The following VPS45 variants were observed in gnomAD, a reference collection of about 807,000 sequenced individuals.
VPS45 encodes the protein vacuolar protein sorting 45 homolog, also known as vacuolar protein sorting-associated protein 45.
A neutral mutation model predicts 75.9 loss-of-function variants in VPS45; 35 were observed. That is an observed-to-expected ratio of 0.46 (90% CI 0.35 to 0.61). VPS45 has a LOEUF of 0.61. Ranked by LOEUF, VPS45 falls within the 20% of genes least tolerant of loss-of-function variation. The pLI, the probability that VPS45 is intolerant of heterozygous loss-of-function variation, is 0.00. For missense variants in VPS45, 559 were observed against 685.9 expected, an observed-to-expected ratio of 0.81 and a Z score of 2.07; for synonymous variants, 220 against 238.2, an observed-to-expected ratio of 0.92 and a Z score of 0.70.
Position 150,123,905 on chromosome 1 carries a change from C to T in VPS45, c.1625+13278C>T, listed in dbSNP as rs947228417. 2.6e-5 allele frequency among the ~76,000 whole-genome samples: 4 copies of T among 152,132 alleles called. No individual in the cohort carries two copies. The South Asian group carries it at 6.2e-4, about 24-fold the overall frequency. On this transcript the variant is annotated intron_variant, in intron 14 of 14. Coordinates refer to ENST00000644510, the MANE Select transcript of VPS45 (RefSeq NM_007259.5). ...TTAAAACTTTTGACAAATAGAAAGA[C>T]ATATCCTGCTAGAAGATGGCATGAG...
At chr1:150,086,589 T>C (rs974878419) in intron 10 of VPS45, among the ~76,000 whole-genome samples, 14 of 152,254 alleles carry the variant, frequency 9.2e-5, no homozygotes, top group South Asian at 6.2e-4. Context: ...ATTAATTAAA[T>C]GTAAAAATGA....
intron 3 of VPS45, among the ~76,000 whole-genome samples, chr1:150,072,523 G>A (rs1477259006): frequency 2.6e-5 from 4 of 152,210 alleles, no homozygotes; most frequent in African/African-American, 9.6e-5. Context: ...TGGGCATGGT[G>A]GCACATGCCT....
At chr1:150,075,211 T>C (rs1184902921) in intron 3 of VPS45, among the ~76,000 whole-genome samples, 1 of 150,920 alleles carries the variant, frequency 6.6e-6, no homozygotes, top group African/African-American at 2.4e-5. Context: ...TGTTGGTTGA[T>C]ATGTTAAGTT....
chr1:150,102,866 G>A (rs1370121024), intron 13 of VPS45, among the ~76,000 whole-genome samples: 1 of 152,156 alleles, frequency 6.6e-6, no homozygotes, highest in Non-Finnish European at 1.5e-5. Flanking sequence ...GGGTCTACTT[G>A]AGCAGGAAGG....
intron 13 of VPS45, among the ~76,000 whole-genome samples, chr1:150,103,902 A>G (rs781979725): frequency 2.0e-5 from 3 of 152,330 alleles, no homozygotes; most frequent in South Asian, 2.1e-4. Flanking sequence ...TACCCCTGCA[A>G]AGGAAAGATT....
At chr1:150,106,581 C>G (rs1213809130) in intron 13 of VPS45, among the ~76,000 whole-genome samples, 1 of 152,186 alleles carries the variant, frequency 6.6e-6, no homozygotes, top group Non-Finnish European at 1.5e-5. Context: ...TTCCTACCGG[C>G]TCTTCTGAAG....
rs145193116 is a variant in VPS45 at position 150,110,558 on chromosome 1, A to G, written c.1556A>G (p.Tyr519Cys). 1.6e-4 allele frequency: 257 copies of G among 1,613,868 alleles called. 1 individual carries two copies. Among genetic ancestry groups the G allele is most frequent in the Admixed American group, 6.7e-5 (4 of 59,976 alleles). Reference protein sequence around the residue: ...GATYEEALTVYNLNRTTPGVR... With the variant: ...GATYEEALTVCNLNRTTPGVR... ...ACCTATGAAGAGGCTCTAACAGTTT[A>G]TAACCTGAACCGCACCACTCCTGGA... is the stretch of plus-strand genomic sequence containing the variant. The change falls in exon 14 of 15, where the codon TAT becomes TGT. Residue 519 changes from tyrosine to cysteine, a missense_variant. Tyr to Cys is a radical substitution (Grantham distance 194). Transcript: ENST00000644510.
intron 14 of VPS45, among the ~76,000 whole-genome samples, chr1:150,130,834 C>T (rs587693934): frequency 6.6e-6 from 1 of 152,250 alleles, no homozygotes; most frequent in African/African-American, 2.4e-5. Flanking sequence ...TGAATATATA[C>T]TATGTGCCAG....
intron 14 of VPS45, among the ~76,000 whole-genome samples, chr1:150,123,830 G>A (rs970757153): frequency 1.1e-4 from 17 of 152,146 alleles, no homozygotes; most frequent in Admixed American, 2.0e-4. Flanking sequence ...AGCCAATAGC[G>A]CTGCCATTGC....
chr1:150,076,665 C>A (rs1409552036), intron 4 of VPS45: 1 of 551,404 alleles, frequency 1.8e-6, no homozygotes. Flanking sequence ...GCATAGAGGT[C>A]TCCAGAAATA....
chr1:150,107,031 TC>T (rs1256241154), intron 13 of VPS45, among the ~76,000 whole-genome samples: 1 of 152,208 alleles, frequency 6.6e-6, no homozygotes, highest in African/African-American at 2.4e-5. Flanking sequence ...CTTCTGATTC[TC>T]CTCCTACCTT....
intron 14 of VPS45, among the ~76,000 whole-genome samples, chr1:150,128,302 T>TA (rs56026495): frequency 0.75 from 108,520 of 145,352 alleles, 42,530 homozygotes; most frequent in East Asian, 1. Context: ...ACCCTTGTCT[T>TA]AAAAAAAAAA....
At chr1:150,069,932 G>A (rs1553796687) in intron 2 of VPS45, among the ~76,000 whole-genome samples, 1 of 152,108 alleles carries the variant, frequency 6.6e-6, no homozygotes, top group Non-Finnish European at 1.5e-5. Context: ...CCTTCAAGGT[G>A]CAGCATGGTC....
At chr1:150,080,150 T>TC (rs1251123913) in intron 7 of VPS45, among the ~76,000 whole-genome samples, 11 of 118 alleles carry the variant, frequency 0.093, no homozygotes, top group East Asian at 0.5. Context: ...TTGTTGTACG[T>TC]TTTTTTTTTT....
intron 10 of VPS45, among the ~76,000 whole-genome samples, chr1:150,089,226 TAC>T (rs1168710583): frequency 2.0e-5 from 3 of 152,074 alleles, no homozygotes; most frequent in Non-Finnish European, 4.4e-5. Flanking sequence ...TGCTTAAAAG[TAC>T]AGAGACAGAT....
intron 10 of VPS45, among the ~76,000 whole-genome samples, chr1:150,083,516 A>T (rs1655839481): frequency 6.6e-6 from 1 of 151,960 alleles, no homozygotes; most frequent in Admixed American, 6.6e-5. Context: ...GAATATGGAA[A>T]TACAGAGGAA....
intron 13 of VPS45, among the ~76,000 whole-genome samples, chr1:150,098,385 C>G (rs1656790580): frequency 6.6e-6 from 1 of 152,148 alleles, no homozygotes; most frequent in Non-Finnish European, 1.5e-5. Flanking sequence ...GGCATCTCTT[C>G]TAGTTGATAT....
At chr1:150,097,485 C>T (rs1383159705) in intron 13 of VPS45, among the ~76,000 whole-genome samples, 9 of 151,246 alleles carry the variant, frequency 6.0e-5, no homozygotes, top group Admixed American at 1.3e-4. Context: ...TTTGGGAGGC[C>T]GAGCGGGCAG....
intron 14 of VPS45, among the ~76,000 whole-genome samples, chr1:150,125,672 T>G (rs1356531820): frequency 5.4e-5 from 2 of 37,078 alleles, no homozygotes; most frequent in Non-Finnish European, 1.0e-4. Context: ...TTAGGAGATA[T>G]ATTTTTTATT....
Sources: allele counts gnomAD v4.1 joint callset (sites outside exome capture counted in the v4.1 genomes callset), GRCh38; gene constraint gnomAD v4.1.1; transcripts MANE v1.5; gene names NCBI Gene and HGNC (gene_info 2026-07-23, HGNC 2026-07-21).